The following CD44 variants were observed in gnomAD, a reference collection of about 807,000 sequenced individuals.
CD44 encodes the protein CD44 molecule (IN blood group).
CD44 carries 49 observed loss-of-function variants against 88.8 expected under a neutral mutation model. That is an observed-to-expected ratio of 0.55 (90% CI 0.44 to 0.70). The LOEUF (loss-of-function observed/expected upper bound fraction) is 0.70. Ranked by LOEUF, CD44 falls within the 30% of genes least tolerant of loss-of-function variation. The pLI, the probability that CD44 is intolerant of heterozygous loss-of-function variation, is 0.00. For synonymous variants in CD44, 325 were observed against 312.3 expected, an observed-to-expected ratio of 1.04 and a Z score of -0.43; for missense variants, 883 against 913.8, an observed-to-expected ratio of 0.97 and a Z score of 0.43.
chr11:35,180,544 A>T, intron 3 of CD44, 137 bp downstream of exon 3: 1 of 908,156 alleles, frequency 1.1e-6, no homozygotes, highest in Non-Finnish European at 1.7e-6. Flanking sequence ...CAGAGCCAAC[A>T]TTCCTGTCTC....
intron 7 of CD44, 44 bp from the exon 8 acceptor site, chr11:35,201,038 A>G: frequency 7.1e-7 from 1 of 1,414,820 alleles, no homozygotes; most frequent in Non-Finnish European, 1.0e-6. Flanking sequence ...GCGAAGGCTC[A>G]AGAAATAACA....
chr11:35,154,217 T>C (rs1941560078), intron 1 of CD44, among the ~76,000 whole-genome samples: 3 of 152,218 alleles, frequency 2.0e-5, no homozygotes, highest in South Asian at 2.1e-4. Flanking sequence ...TTCCTTGATC[T>C]TGTGGCTGAA....
chr11:35,190,063 C>A lies in CD44; in HGVS notation c.665C>A (p.Thr222Asn). 1 of 1,611,068 alleles carries A rather than the reference C, an allele frequency of 6.2e-7. No individual in the cohort carries two copies. Among genetic ancestry groups the A allele is most frequent in the Non-Finnish European group, 8.5e-7 (1 of 1,177,168 alleles). The change falls in exon 5 of 18, where the codon ACC becomes AAC. Residue 222 changes from threonine (T) to asparagine (N), a missense_variant and splice_region_variant. Coordinates refer to ENST00000428726, the MANE Select transcript of CD44 (RefSeq NM_000610.4). ...ITDSTDRIPA[T>N]TLMSTSATAT... ...GACAGCACAGACAGAATCCCTGCTACCAGTAAGGAGAATAAATCACTGTGC... is the reference window on the plus strand; with the variant it reads ...GACAGCACAGACAGAATCCCTGCTAACAGTAAGGAGAATAAATCACTGTGC...
intron 3 of CD44, among the ~76,000 whole-genome samples, chr11:35,181,774 A>G (rs1242519863): frequency 8.9e-6 from 1 of 112,300 alleles, no homozygotes. Context: ...ATATATTTAT[A>G]TTTATTTATA....
At chr11:35,192,607 G>C (rs193236795) in intron 5 of CD44, among the ~76,000 whole-genome samples, 241 of 152,246 alleles carry the variant, frequency 1.6e-3, no homozygotes, top group African/African-American at 5.6e-3. Context: ...GGGACAGCTA[G>C]TAAGAATAAC....
In CD44 at chr11:35,230,224, T is replaced by TG. The variant is rs1435120145; in HGVS notation, c.*891_*892insG. On this transcript the variant is annotated 3_prime_UTR_variant, in exon 18 of 18. Transcript: ENST00000428726. ...ACTGTTTTTGTTTTTTGTTTTTTGT[T>TG]TTTTTTTTTTGACACTGTCCAAAGG... is the stretch of plus-strand genomic sequence containing the variant. 5 of 146,694 alleles carry TG rather than the reference T, an allele frequency of 3.4e-5. No individual in the cohort carries two copies. Among genetic ancestry groups the TG allele is most frequent in the East Asian group, 1.9e-4 (1 of 5,152 alleles). The allele number at this position is 146,694 out of a possible 1,614,324, so 9.1% of individuals were successfully genotyped here. A position where few individuals can be genotyped will look rare whatever the true frequency, so the allele number is the denominator to read the frequency against.
chr11:35,162,626 A>T (rs1942772016), intron 1 of CD44, among the ~76,000 whole-genome samples: 1 of 152,180 alleles, frequency 6.6e-6, no homozygotes, highest in Admixed American at 6.5e-5. Flanking sequence ...GATTTCACGG[A>T]TTGAAAGCTC....
Position 35,221,720 on chromosome 11 carries a change from A to G in CD44, c.2012A>G (p.Asn671Ser). ...ATTCTTGCAGTTTGCATTGCAGTCA[A>G]CAGTCGAAGAAGGTAAGGGGCTGTC... is the stretch of plus-strand genomic sequence containing the variant. ...ALILAVCIAVNSRRRCGQKKK... is the reference protein window; with the variant it reads ...ALILAVCIAVSSRRRCGQKKK... The change falls in exon 17 of 18, where the codon AAC (asparagine) becomes AGC (serine). Residue 671 changes from asparagine (N) to serine (S), a missense_variant. This residue lies in a region of CD44 where 631 missense variants were observed against 590.9 expected (regional missense o/e 1.07). Transcript: ENST00000428726. 2 of 1,614,042 alleles carry G rather than the reference A, an allele frequency of 1.2e-6. No homozygotes were observed. Among genetic ancestry groups the G allele is most frequent in the African/African-American group, 2.7e-5 (2 of 75,056 alleles).
At chr11:35,167,659 A>G (rs1368396148) in intron 1 of CD44, among the ~76,000 whole-genome samples, 1 of 152,228 alleles carries the variant, frequency 6.6e-6, no homozygotes, top group Non-Finnish European at 1.5e-5. Flanking sequence ...GTTGACTCCC[A>G]GGAGCTCAAT....
rs185805523 is a variant in CD44, at chr11:35,198,847, C to T, written c.922+601C>T. Among the ~76,000 whole-genome samples the T allele has an allele frequency of 1.4e-3, 212 of 151,644 alleles. 1 individual carries two copies. Among genetic ancestry groups the T allele is most frequent in the African/African-American group, 2.3e-3 (97 of 41,360 alleles). Reference sequence around the variant, plus strand: ...ACAAAAAATTAACCAGGCGTAGTGGCGGGTGCCTGTAGTCCTAGCTATTCG... The same window carrying T: ...ACAAAAAATTAACCAGGCGTAGTGGTGGGTGCCTGTAGTCCTAGCTATTCG... On this transcript the variant is annotated intron_variant, in intron 7 of 17. Transcript: ENST00000428726.
At chr11:35,149,168 G>T (rs1859811840) in intron 1 of CD44, among the ~76,000 whole-genome samples, 1 of 152,108 alleles carries the variant, frequency 6.6e-6, no homozygotes, top group Non-Finnish European at 1.5e-5. Flanking sequence ...TTAAAATCAT[G>T]TTCTCAACAA....
At chr11:35,184,287 C>G (rs746330326) in intron 3 of CD44, among the ~76,000 whole-genome samples, 8 of 152,158 alleles carry the variant, frequency 5.3e-5, no homozygotes, top group African/African-American at 9.7e-5. Context: ...TGAACAAATG[C>G]TCTAATAATT....
chr11:35,156,878 T>C (rs1202946819), intron 1 of CD44, among the ~76,000 whole-genome samples: 1 of 152,112 alleles, frequency 6.6e-6, no homozygotes, highest in African/African-American at 2.4e-5. Context: ...CAAAAATATA[T>C]TTTTAATTGG....
chr11:35,147,700 G>A (rs938786905), intron 1 of CD44, among the ~76,000 whole-genome samples: 1 of 152,014 alleles, frequency 6.6e-6, no homozygotes, highest in Non-Finnish European at 1.5e-5. Flanking sequence ...ACCAATCGTG[G>A]AACTAGGCAG....
intron 3 of CD44, among the ~76,000 whole-genome samples, chr11:35,184,644 C>T (rs558144038): frequency 6.6e-6 from 1 of 152,154 alleles, no homozygotes; most frequent in Non-Finnish European, 1.5e-5. Flanking sequence ...TTAATTATTA[C>T]AGTCCCCCAT....
In CD44 at chr11:35,182,110, A is replaced by G. The variant is rs189089521; in HGVS notation, c.367+1703A>G. Among the ~76,000 whole-genome samples the G allele has an allele frequency of 9.1e-3, 1,324 of 144,866 alleles. 13 individuals carry two copies. Among genetic ancestry groups the G allele is most frequent in the Middle Eastern group, 0.014 (4 of 280 alleles). On this transcript the variant is annotated intron_variant, in intron 3 of 17. Coordinates refer to ENST00000428726, the MANE Select transcript of CD44 (RefSeq NM_000610.4). The stretch of plus-strand genomic sequence containing the variant: ...TCAAATATAAATATACATATACCAT[A>G]TATATGGTAGTAAAATATAAAAAGC...
At position 35,182,013 on chromosome 11, in the gene CD44, A is replaced by G. The variant is rs1446127990; in HGVS notation, c.367+1606A>G. On this transcript the variant is annotated intron_variant, in intron 3 of 17. Transcript: ENST00000428726. ...TAAATTTATATTTATATATATGTAT[A>G]TATGTATATATAAATATATACACAT... Among the ~76,000 whole-genome samples the G allele has an allele frequency of 4.3e-4, 52 of 121,262 alleles. 1 individual carries two copies. The highest frequency in any genetic ancestry group is 7.3e-4 in the Non-Finnish European group (45 of 61,526). The allele number at this position is 121,262 out of a possible 152,430, so 79.6% of individuals were successfully genotyped here. A position where few individuals can be genotyped will look rare whatever the true frequency, so the allele number is the denominator to read the frequency against.
At chr11:35,216,911 A>G (rs1948874153) in intron 15 of CD44, among the ~76,000 whole-genome samples, 1 of 152,202 alleles carries the variant, frequency 6.6e-6, no homozygotes, top group African/African-American at 2.4e-5. Flanking sequence ...TGCACATTAA[A>G]ATTTGGAAGC....
At chr11:35,186,431 A>AT (rs969338315) in intron 3 of CD44, among the ~76,000 whole-genome samples, 1 of 152,072 alleles carries the variant, frequency 6.6e-6, no homozygotes, top group Admixed American at 6.6e-5. Context: ...TTACTTTTAA[A>AT]TTTTTTTACA....
Sources: gnomAD v4.1 joint callset for allele counts (sites outside exome capture counted in the v4.1 genomes callset) on GRCh38, gnomAD v4.1.1 for gene constraint, gnomAD v4.1.1 regional missense constraint, MANE v1.5 for transcripts, NCBI Gene and HGNC (gene_info 2026-07-23, HGNC 2026-07-21) for gene names.